FBXL17: variants seen among roughly 807,000 people sequenced by gnomAD.
FBXL17 encodes the protein F-box/LRR-repeat protein 17.
A neutral mutation model predicts 66.2 loss-of-function variants in FBXL17; 22 were observed. The observed-to-expected ratio is 0.33, with a 90% CI of 0.24 to 0.47. The LOEUF (loss-of-function observed/expected upper bound fraction) is 0.47, where lower values mean the gene tolerates loss of function less well. Among genes scored for constraint, FBXL17 ranks in the 20% least tolerant of loss-of-function variants. The probability of loss-of-function intolerance (pLI) is 1.00; values close to 1 mark genes in which losing one functional copy is unlikely to be tolerated. For missense variants in FBXL17, 878 were observed against 948.2 expected (o/e 0.93, Z 0.97); for synonymous variants, 474 against 400.5 (o/e 1.18, Z -2.19).
At chr5:108,362,125 G>A (rs914841590) in intron 3 of FBXL17, among the ~76,000 whole-genome samples, 1 of 152,108 alleles carries the variant, frequency 6.6e-6, no homozygotes, top group Non-Finnish European at 1.5e-5. Context: ...GGCTTTTGGA[G>A]CTGCCTGCTC....
chr5:108,246,076 T>A (rs1354773356), intron 4 of FBXL17, among the ~76,000 whole-genome samples: 1 of 152,170 alleles, frequency 6.6e-6, no homozygotes, highest in Non-Finnish European at 1.5e-5. Flanking sequence ...TTCCTCTAAC[T>A]ACAGGAATTA....
chr5:107,887,541 A>G (rs748600514), intron 7 of FBXL17, among the ~76,000 whole-genome samples: 1 of 152,240 alleles, frequency 6.6e-6, no homozygotes, highest in Non-Finnish European at 1.5e-5. Flanking sequence ...TTCATGTAAT[A>G]CTTCGATAAA....
chr5:108,105,832 C>A (rs1013101902), intron 6 of FBXL17, among the ~76,000 whole-genome samples: 1 of 152,010 alleles, frequency 6.6e-6, no homozygotes, highest in Admixed American at 6.6e-5. Context: ...TAGGGAAAGG[C>A]CATTAAGGCA....
At chr5:107,878,166 A>G (rs1432918351) in intron 8 of FBXL17, 1 of 845,376 alleles carries the variant, frequency 1.2e-6, no homozygotes, top group Non-Finnish European at 1.4e-6. Flanking sequence ...ATTTGTATAA[A>G]AAATAATCTT....
At chr5:108,156,009 G>A (rs13159387) in intron 6 of FBXL17, among the ~76,000 whole-genome samples, 67,892 of 151,918 alleles carry the variant, frequency 0.45, 16,487 homozygotes, top group Admixed American at 0.57. Flanking sequence ...CTAAAATGTA[G>A]CTTTAATTTT....
intron 6 of FBXL17, among the ~76,000 whole-genome samples, chr5:108,093,274 TCTA>T (rs1234765584): frequency 1.3e-5 from 2 of 150,598 alleles, no homozygotes; most frequent in Admixed American, 6.6e-5. Context: ...AAAATTTTAA[TCTA>T]CTTAAAAAAA....
intron 4 of FBXL17, among the ~76,000 whole-genome samples, chr5:108,333,499 T>C (rs1016077336): frequency 6.6e-6 from 1 of 152,164 alleles, no homozygotes; most frequent in Non-Finnish European, 1.5e-5. Flanking sequence ...ACAAAATGAC[T>C]GTTAACTATT....
intron 6 of FBXL17, among the ~76,000 whole-genome samples, chr5:108,051,063 A>G (rs1002377022): frequency 6.6e-6 from 1 of 152,222 alleles, no homozygotes; most frequent in East Asian, 1.9e-4. Context: ...TGAATAGACC[A>G]ATAACAAGTT....
Position 108,381,951 on chromosome 5 carries a change from G to A in FBXL17, c.-260C>T. ...GGGCGCGAGCTTTGGGGACGCGAGG[G>A]AGGGAGCGAGCGAGCCTGCCGGCTA... On this transcript the variant is annotated 5_prime_UTR_variant, in exon 1 of 9. Coordinates refer to ENST00000542267, the MANE Select transcript of FBXL17 (RefSeq NM_001163315.3). 2.4e-6 allele frequency: 3 copies of A among 1,239,796 alleles called. No homozygotes were observed. The highest frequency in any genetic ancestry group is 3.3e-5 in the East Asian group (1 of 30,358). The allele number at this position is 1,239,796 out of a possible 1,614,324, so 76.8% of individuals were successfully genotyped here. A position where few individuals can be genotyped will look rare whatever the true frequency, so the allele number is the denominator to read the frequency against.
intron 7 of FBXL17, among the ~76,000 whole-genome samples, chr5:107,923,051 G>T (rs1312142103): frequency 6.6e-6 from 1 of 152,070 alleles, no homozygotes; most frequent in African/African-American, 2.4e-5. Context: ...AGCCCTTTTT[G>T]AAAATCAAAT....
chr5:108,222,908 A>AAGTG (rs1216151651), intron 5 of FBXL17, among the ~76,000 whole-genome samples: 1 of 152,006 alleles, frequency 6.6e-6, no homozygotes, highest in Non-Finnish European at 1.5e-5. Context: ...TCCTGGCCTC[A>AAGTG]AGTGATTCAC....
intron 5 of FBXL17, among the ~76,000 whole-genome samples, chr5:108,187,317 A>C (rs958952164): frequency 2.6e-5 from 4 of 152,200 alleles, no homozygotes; most frequent in Admixed American, 2.6e-4. Context: ...CATATGATAG[A>C]CCAAATAACA....
chr5:108,113,994 T>A (rs1750141888), intron 6 of FBXL17, among the ~76,000 whole-genome samples: 2 of 152,234 alleles, frequency 1.3e-5, no homozygotes, highest in African/African-American at 4.8e-5. Flanking sequence ...AACAAATGTA[T>A]AATTATTAAT....
At chr5:108,281,162 C>A (rs1307002872) in intron 4 of FBXL17, among the ~76,000 whole-genome samples, 3 of 151,768 alleles carry the variant, frequency 2.0e-5, no homozygotes. Context: ...GACTTTAGAC[C>A]AAATGGACCT....
chr5:108,301,774 A>C (rs1016667774), intron 4 of FBXL17, among the ~76,000 whole-genome samples: 4 of 151,794 alleles, frequency 2.6e-5, no homozygotes, highest in African/African-American at 9.7e-5. Flanking sequence ...TAGGACAACC[A>C]TCAAAAATTT....
At position 108,218,842 on chromosome 5, in the gene FBXL17, T is replaced by C. The variant is rs1167139062; in HGVS notation, c.1614+5279A>G. On this transcript the variant is annotated intron_variant, in intron 5 of 8. Coordinates refer to ENST00000542267, the MANE Select transcript of FBXL17 (RefSeq NM_001163315.3). ...TTGGATAGTAGCTCCTTATCAGATA[T>C]ATGGTTTGGAAATACTTTCTTCCAT... 3.9e-5 allele frequency among the ~76,000 whole-genome samples: 6 copies of C among 152,318 alleles called. 1 individual carries two copies. Among genetic ancestry groups the C allele is most frequent in the Admixed American group, 2.6e-4 (4 of 15,300 alleles).
In FBXL17 at chr5:107,861,794, GC is replaced by G; in HGVS notation, c.2031del (p.Gln678ArgfsTer94). On this transcript the variant is annotated frameshift_variant, in exon 9 of 9. Coordinates refer to ENST00000542267, the MANE Select transcript of FBXL17 (RefSeq NM_001163315.3). LOFTEE classifies it high-confidence loss of function. ...QYPHITFSTVLQDCKRTLERA... is the reference protein window; with the variant it reads ...QYPHITFSTVXQDCKRTLERA... ...CTCTCCAAGGTCCTCTTGCAGTCCT[GC>G]AGGACGGTGCTGAAGGTGATGTGGG... The G allele has an allele frequency of 6.3e-7, 1 of 1,586,320 alleles. No homozygotes were observed. The highest frequency in any genetic ancestry group is 1.1e-5 in the South Asian group (1 of 87,290).
At chr5:108,122,131 A>T (rs545174842) in intron 6 of FBXL17, among the ~76,000 whole-genome samples, 34 of 152,134 alleles carry the variant, frequency 2.2e-4, no homozygotes, top group Admixed American at 7.2e-4. Context: ...TATACTAGGT[A>T]CTATATATAT....
chr5:108,115,943 A>G (rs1441309796), intron 6 of FBXL17, among the ~76,000 whole-genome samples: 1 of 152,200 alleles, frequency 6.6e-6, no homozygotes, highest in Non-Finnish European at 1.5e-5. Context: ...AGTAAATAAC[A>G]TAACAGGCTG....
Sources: gnomAD v4.1 joint callset for allele counts (sites outside exome capture counted in the v4.1 genomes callset) on GRCh38, gnomAD v4.1.1 for gene constraint, MANE v1.5 for transcripts, NCBI Gene and HGNC (gene_info 2026-07-23, HGNC 2026-07-21) for gene names.